SEMA5A: variants seen among roughly 807,000 people sequenced by gnomAD.
SEMA5A encodes the protein semaphorin 5A.
In SEMA5A, 55 loss-of-function variants were observed where a neutral mutation model predicts 135.5. The observed-to-expected ratio is 0.41, with a 90% CI of 0.33 to 0.51. The LOEUF is 0.51. Among genes scored for constraint, SEMA5A ranks in the 20% least tolerant of loss-of-function variants. SEMA5A has a pLI of 0.37. For synonymous variants in SEMA5A, 580 were observed against 546.5 expected, an observed-to-expected ratio of 1.06 and a Z score of -0.85; for missense variants, 1,290 against 1,419.9, an observed-to-expected ratio of 0.91 and a Z score of 1.47.
intron 1 of SEMA5A, among the ~76,000 whole-genome samples, chr5:9,543,848 A>G (rs1294907818): frequency 6.7e-6 from 1 of 150,060 alleles, no homozygotes; most frequent in Non-Finnish European, 1.5e-5. Context: ...AAAAAAAAAA[A>G]AAACATAGAA....
chr5:9,137,439 A>C (rs1741822217), intron 12 of SEMA5A, among the ~76,000 whole-genome samples: 1 of 152,194 alleles, frequency 6.6e-6, no homozygotes. Flanking sequence ...TGGCCTTTAC[A>C]TTATAAAGAC....
At chr5:9,510,295 T>C (rs1736135115) in intron 1 of SEMA5A, among the ~76,000 whole-genome samples, 1 of 152,300 alleles carries the variant, frequency 6.6e-6, no homozygotes, top group African/African-American at 2.4e-5. Context: ...ACAGTAATAA[T>C]ACAACAAACG....
chr5:9,404,861 G>A (rs1756813028), intron 2 of SEMA5A, among the ~76,000 whole-genome samples: 1 of 152,170 alleles, frequency 6.6e-6, no homozygotes, highest in African/African-American at 2.4e-5. Flanking sequence ...AAAGGATACT[G>A]CCATTACAAC....
At chr5:9,364,949 T>A (rs1371695813) in intron 3 of SEMA5A, among the ~76,000 whole-genome samples, 1 of 152,156 alleles carries the variant, frequency 6.6e-6, no homozygotes, top group Non-Finnish European at 1.5e-5. Flanking sequence ...GTCAAAAGAG[T>A]TTCTGTTCAG....
At chr5:9,305,695 T>C (rs1238977450) in intron 5 of SEMA5A, among the ~76,000 whole-genome samples, 1 of 84,488 alleles carries the variant, frequency 1.2e-5, no homozygotes, top group East Asian at 3.4e-4. Context: ...GTATATATAC[T>C]GTGTGTGTGT....
At chr5:9,373,604 C>T (rs1465980953) in intron 3 of SEMA5A, among the ~76,000 whole-genome samples, 1 of 152,162 alleles carries the variant, frequency 6.6e-6, no homozygotes, top group Non-Finnish European at 1.5e-5. Flanking sequence ...GGACACTCTA[C>T]AGGAACATTA....
At chr5:9,268,830 G>C (rs900552467) in intron 5 of SEMA5A, among the ~76,000 whole-genome samples, 8 of 152,048 alleles carry the variant, frequency 5.3e-5, no homozygotes, top group Non-Finnish European at 1.2e-4. Context: ...CCAACTGCTT[G>C]AATTTGTAAT....
intron 22 of SEMA5A, among the ~76,000 whole-genome samples, chr5:9,043,587 A>T (rs1013806219): frequency 6.6e-6 from 1 of 152,222 alleles, no homozygotes; most frequent in African/African-American, 2.4e-5. Flanking sequence ...AAGAGCTTCA[A>T]CTGAGCCAGG....
At chr5:9,193,784 G>A (rs893240831) in intron 10 of SEMA5A, among the ~76,000 whole-genome samples, 10 of 152,164 alleles carry the variant, frequency 6.6e-5, no homozygotes, top group African/African-American at 2.4e-4. Flanking sequence ...TGTAATCCCA[G>A]ATACTTGGGA....
intron 11 of SEMA5A, among the ~76,000 whole-genome samples, chr5:9,161,177 C>A (rs1160912927): frequency 6.6e-6 from 1 of 151,654 alleles, no homozygotes; most frequent in Admixed American, 6.6e-5. Flanking sequence ...GTTCTTAGAG[C>A]AGAATGTGGC....
intron 2 of SEMA5A, among the ~76,000 whole-genome samples, chr5:9,402,323 C>T (rs1404801335): frequency 1.3e-5 from 2 of 152,216 alleles, no homozygotes; most frequent in Admixed American, 6.5e-5. Context: ...ACAAGAGATG[C>T]TATGACTTTA....
chr5:9,377,439 T>C (rs1291057310), intron 3 of SEMA5A, among the ~76,000 whole-genome samples: 1 of 152,132 alleles, frequency 6.6e-6, no homozygotes, highest in African/African-American at 2.4e-5. Flanking sequence ...GGTCTTGGGT[T>C]GGTGCCATAA....
At chr5:9,181,319 T>C (rs142809429) in intron 11 of SEMA5A, among the ~76,000 whole-genome samples, 294 of 152,214 alleles carry the variant, frequency 1.9e-3, no homozygotes, top group African/African-American at 6.9e-3. Flanking sequence ...CTGAAAACAG[T>C]CAAAATTGCA....
intron 7 of SEMA5A, among the ~76,000 whole-genome samples, chr5:9,225,959 C>T (rs994630259): frequency 6.6e-6 from 1 of 152,114 alleles, no homozygotes; most frequent in Non-Finnish European, 1.5e-5. Flanking sequence ...TCCTTCAGCT[C>T]TTTATGTCTC....
At chr5:9,527,166 G>T (rs532757277) in intron 1 of SEMA5A, among the ~76,000 whole-genome samples, 2 of 152,202 alleles carry the variant, frequency 1.3e-5, no homozygotes, top group East Asian at 1.9e-4. Flanking sequence ...CACTTACCAG[G>T]TCCCGAGTGT....
intron 8 of SEMA5A, 66 bp from the exon 9 acceptor site, chr5:9,202,306 C>T (rs954029217): frequency 2.6e-6 from 4 of 1,531,788 alleles, no homozygotes; most frequent in African/African-American, 2.7e-5. Flanking sequence ...GTCTTGCCTG[C>T]TCAGTATTTC....
At chr5:9,044,168 G>A (rs1736114031) in intron 22 of SEMA5A, among the ~76,000 whole-genome samples, 1 of 152,182 alleles carries the variant, frequency 6.6e-6, no homozygotes, top group Non-Finnish European at 1.5e-5. Context: ...ACATGGCTAA[G>A]AGACAAGTAT....
chr5:9,354,546 C>T (rs149515117), intron 3 of SEMA5A, among the ~76,000 whole-genome samples: 24 of 152,256 alleles, frequency 1.6e-4, no homozygotes, highest in African/African-American at 5.1e-4. Flanking sequence ...CTCCCAGGCA[C>T]GTGACAGCTG....
At chr5:9,409,531 G>A (rs548071597) in intron 2 of SEMA5A, among the ~76,000 whole-genome samples, 2 of 152,176 alleles carry the variant, frequency 1.3e-5, no homozygotes, top group African/African-American at 4.8e-5. Context: ...CCAGCCCTGG[G>A]CTCCCCCTCC....
Sources: allele counts gnomAD v4.1 joint callset (sites outside exome capture counted in the v4.1 genomes callset), GRCh38; gene constraint gnomAD v4.1.1; transcripts MANE v1.5; gene names NCBI Gene and HGNC (gene_info 2026-07-23, HGNC 2026-07-21).